The following WDPCP variants were observed in gnomAD, a reference collection of about 807,000 sequenced individuals.
WDPCP encodes the protein WD repeat-containing and planar cell polarity effector protein fritz homolog.
In WDPCP, 71 loss-of-function variants were observed where a neutral mutation model predicts 93.1. That is an observed-to-expected ratio of 0.76 (90% CI 0.63 to 0.93). The LOEUF is 0.93. Ranked by LOEUF, WDPCP falls within the 40% of genes least tolerant of loss-of-function variation. The pLI, the probability that WDPCP is intolerant of heterozygous loss-of-function variation, is 0.00. For synonymous variants in WDPCP, 315 were observed against 315.0 expected (o/e 1.00, Z 0.00); for missense variants, 844 against 887.4 (o/e 0.95, Z 0.62).
chr2:63,397,941 G>A (rs11901555), intron 10 of WDPCP, among the ~76,000 whole-genome samples: 8,098 of 152,186 alleles, frequency 0.053, 516 homozygotes, highest in African/African-American at 0.15. Context: ...CTGTTTTTAT[G>A]GTGTAGTTTG....
intron 17 of WDPCP, among the ~76,000 whole-genome samples, chr2:63,138,655 T>C (rs905771675): frequency 6.6e-6 from 1 of 152,074 alleles, no homozygotes; most frequent in Non-Finnish European, 1.5e-5. Flanking sequence ...GGTTTCACCA[T>C]GTTAGCCAGG....
chr2:63,270,002 C>T (rs180972915), intron 13 of WDPCP, among the ~76,000 whole-genome samples: 2 of 152,058 alleles, frequency 1.3e-5, no homozygotes, highest in African/African-American at 4.8e-5. Context: ...GGAAAAATAT[C>T]GTTTCTAATG....
At chr2:63,242,868 C>A (rs987603611) in intron 14 of WDPCP, among the ~76,000 whole-genome samples, 4 of 152,110 alleles carry the variant, frequency 2.6e-5, no homozygotes, top group African/African-American at 9.7e-5. Flanking sequence ...CTTTTTCCTC[C>A]TTTTGTAGGC....
rs565126587 is a variant in WDPCP, at chr2:63,238,013, A to C, written c.1915+21294T>G. 1.2e-4 allele frequency among the ~76,000 whole-genome samples: 18 copies of C among 150,390 alleles called. No homozygotes were observed. In the East Asian group the frequency reaches 2.7e-3, roughly 23 times the overall value. On this transcript the variant is annotated intron_variant, in intron 14 of 17. Transcript: ENST00000272321. ...AAATAAATATTTTCTAAAAAAAAAA[A>C]CAACAAAATGCAGCTACAGCTTCAT...
intron 2 of WDPCP, among the ~76,000 whole-genome samples, chr2:63,655,468 A>ATTT (rs950648562): frequency 6.6e-6 from 1 of 151,566 alleles, no homozygotes. Flanking sequence ...CTCTTCTATA[A>ATTT]TTTTTTTTGC....
At chr2:63,432,516 A>G (rs1696838667) in intron 9 of WDPCP, among the ~76,000 whole-genome samples, 1 of 152,188 alleles carries the variant, frequency 6.6e-6, no homozygotes, top group African/African-American at 2.4e-5. Context: ...TTGCTAAATG[A>G]CATGGCTATT....
intron 3 of WDPCP, among the ~76,000 whole-genome samples, chr2:63,595,231 A>G (rs1709284185): frequency 6.6e-6 from 1 of 152,138 alleles, no homozygotes; most frequent in Admixed American, 6.5e-5. Context: ...TAGCAAACCA[A>G]TGCTGGTTTT....
chr2:63,534,880 G>A (rs1575599763), intron 1 of WDPCP, among the ~76,000 whole-genome samples: 1 of 152,132 alleles, frequency 6.6e-6, no homozygotes, highest in Non-Finnish European at 1.5e-5. Context: ...GCAGGAGAAA[G>A]AAATAAAGGG....
chr2:63,698,047 C>T (rs932464058), intron 2 of WDPCP, among the ~76,000 whole-genome samples: 1 of 152,022 alleles, frequency 6.6e-6, no homozygotes, highest in Admixed American at 6.6e-5. Flanking sequence ...CCTCCACTTC[C>T]TGGGTTCAAG....
At chr2:63,452,645 A>T (rs1698337079) in intron 6 of WDPCP, among the ~76,000 whole-genome samples, 1 of 152,212 alleles carries the variant, frequency 6.6e-6, no homozygotes, top group African/African-American at 2.4e-5. Flanking sequence ...GTCAATCCTA[A>T]ACCAAAAGAA....
intron 14 of WDPCP, among the ~76,000 whole-genome samples, chr2:63,185,005 A>G (rs941981335): frequency 6.6e-6 from 1 of 152,094 alleles, no homozygotes; most frequent in Admixed American, 6.5e-5. Context: ...TGACCCTTTC[A>G]GCCATATTTT....
At position 63,708,469 on chromosome 2, in the gene WDPCP, G is replaced by A. The variant is rs556889150; in HGVS notation, n.309-57631C>T. On this transcript the variant is annotated intron_variant and non_coding_transcript_variant, in intron 2 of 4. Coordinates refer to the WDPCP transcript ENST00000467687. The stretch of plus-strand genomic sequence containing the variant: ...TCCTGATGTGCCGTTTGTTAAGCCC[G>A]TTGGGAAAGCACAGTATTAGGGTGG... Among the ~76,000 whole-genome samples the A allele has an allele frequency of 1.5e-4, 23 of 152,314 alleles. No individual in the cohort carries two copies. The South Asian group carries it at 3.5e-3, about 23-fold the overall frequency.
At chr2:63,635,010 G>A (rs1320349415) in intron 3 of WDPCP, among the ~76,000 whole-genome samples, 2 of 151,892 alleles carry the variant, frequency 1.3e-5, no homozygotes, top group Non-Finnish European at 2.9e-5. Context: ...AAACAGAGAA[G>A]ACTTGAATAA....
chr2:63,310,993 C>G (rs1333522234), intron 13 of WDPCP, among the ~76,000 whole-genome samples: 2 of 152,200 alleles, frequency 1.3e-5, no homozygotes, highest in African/African-American at 2.4e-5. Flanking sequence ...TAGTAACTTC[C>G]TATTGCTTTT....
chr2:63,202,351 T>A (rs549612995), intron 14 of WDPCP, among the ~76,000 whole-genome samples: 3 of 152,234 alleles, frequency 2.0e-5, no homozygotes, highest in African/African-American at 7.2e-5. Flanking sequence ...AATTGACTTA[T>A]GATTGAAGTT....
intron 2 of WDPCP, among the ~76,000 whole-genome samples, chr2:63,763,702 T>C (rs1254386089): frequency 6.6e-6 from 1 of 152,176 alleles, no homozygotes; most frequent in African/African-American, 2.4e-5. Context: ...TAGAAAAATA[T>C]ACCTAAAAAG....
At chr2:63,810,230 C>T (rs1481299950) in intron 2 of WDPCP, among the ~76,000 whole-genome samples, 1 of 152,218 alleles carries the variant, frequency 6.6e-6, no homozygotes, top group Non-Finnish European at 1.5e-5. Context: ...TTGTCCACTC[C>T]ATGACTTCAA....
intron 9 of WDPCP, among the ~76,000 whole-genome samples, chr2:63,408,375 A>G (rs1694761216): frequency 6.6e-6 from 1 of 152,166 alleles, no homozygotes; most frequent in Non-Finnish European, 1.5e-5. Flanking sequence ...GAAGTGAGTC[A>G]ATTTAGAGAG....
chr2:63,267,833 T>C (rs1682270351), intron 13 of WDPCP, among the ~76,000 whole-genome samples: 2 of 152,140 alleles, frequency 1.3e-5, no homozygotes, highest in African/African-American at 2.4e-5. Context: ...GAACAAGTGT[T>C]GGTGAGGATA....
Sources: gnomAD v4.1 joint callset for allele counts (sites outside exome capture counted in the v4.1 genomes callset) on GRCh38, gnomAD v4.1.1 for gene constraint, MANE v1.5 for transcripts, NCBI Gene and HGNC (gene_info 2026-07-23, HGNC 2026-07-21) for gene names.